Variants in SEMA6D observed in about 807,000 individuals in gnomAD.
SEMA6D encodes the protein semaphorin 6D, also known as semaphorin-6D.
Under a neutral mutation model 106.6 loss-of-function variants are expected in SEMA6D, and 35 were observed. The observed-to-expected ratio is 0.33, with a 90% confidence interval of 0.25 to 0.44. The LOEUF (loss-of-function observed/expected upper bound fraction) is 0.44, where lower values mean the gene tolerates loss of function less well. Ranked by LOEUF, SEMA6D falls within the 20% of genes least tolerant of loss-of-function variation. SEMA6D has a pLI of 1.00. For missense variants in SEMA6D, 1,185 were observed against 1,345.9 expected, an observed-to-expected ratio of 0.88 and a Z score of 1.87; for synonymous variants, 499 against 487.7, an observed-to-expected ratio of 1.02 and a Z score of -0.31.
chr15:47,670,907 C>T (rs2145389026), intron 4 of SEMA6D, among the ~76,000 whole-genome samples: 1 of 152,168 alleles, frequency 6.6e-6, no homozygotes. Context: ...TAATTACTTT[C>T]TATAAGTATA....
intron 3 of SEMA6D, among the ~76,000 whole-genome samples, chr15:47,530,139 C>T (rs1055731040): frequency 2.6e-5 from 4 of 152,180 alleles, no homozygotes; most frequent in Non-Finnish European, 5.9e-5. Context: ...TTTGATGATC[C>T]TCTCAGGCCC....
chr15:47,546,488 T>C (rs933479547), intron 3 of SEMA6D, among the ~76,000 whole-genome samples: 11 of 152,138 alleles, frequency 7.2e-5, no homozygotes, highest in African/African-American at 2.7e-4. Context: ...TATGTATCTG[T>C]AAGTGCACTG....
intron 4 of SEMA6D, among the ~76,000 whole-genome samples, chr15:47,648,590 G>A (rs553424945): frequency 2.0e-5 from 3 of 152,250 alleles, no homozygotes; most frequent in South Asian, 2.1e-4. Context: ...AGGTATGATC[G>A]TAGGAGGTGC....
intron 4 of SEMA6D, among the ~76,000 whole-genome samples, chr15:47,606,031 T>C (rs940627583): frequency 1.3e-5 from 2 of 152,178 alleles, no homozygotes; most frequent in Admixed American, 6.5e-5. Context: ...ATGACCTGCC[T>C]CCATCCTGAA....
chr15:47,212,267 A>G (rs972898942), intron 1 of SEMA6D, among the ~76,000 whole-genome samples: 1 of 152,222 alleles, frequency 6.6e-6, no homozygotes, highest in African/African-American at 2.4e-5. Flanking sequence ...ATGGCAGTGC[A>G]TCTCTTCACT....
chr15:47,203,632 C>T (rs1336907943), intron 1 of SEMA6D, among the ~76,000 whole-genome samples: 1 of 152,122 alleles, frequency 6.6e-6, no homozygotes, highest in African/African-American at 2.4e-5. Context: ...TATAGGACTC[C>T]CATGCTCATG....
intron 3 of SEMA6D, among the ~76,000 whole-genome samples, chr15:47,562,458 T>C (rs1476851417): frequency 4.6e-5 from 7 of 152,054 alleles, no homozygotes; most frequent in Non-Finnish European, 7.4e-5. Context: ...TTAAAATTAA[T>C]AACTTTTGCA....
rs542800330 is a variant in SEMA6D, at chr15:47,271,842, A to G, written c.-239+87424A>G. On this transcript the variant is annotated intron_variant, in intron 1 of 19. Transcript: ENST00000558014. ...CAGTGGAGGAAAATATTTTCATTAC[A>G]CAGCACTGCTCTTGCTTTCAAGCTG... Among the ~76,000 whole-genome samples, 4 of 152,344 alleles carry G rather than the reference A, an allele frequency of 2.6e-5. No individual in the cohort carries two copies. In the East Asian group the frequency reaches 7.7e-4, roughly 29 times the overall value.
intron 1 of SEMA6D, among the ~76,000 whole-genome samples, chr15:47,226,982 T>A (rs1351827615): frequency 6.6e-6 from 1 of 152,074 alleles, no homozygotes; most frequent in East Asian, 1.9e-4. Context: ...TGGTTCAATA[T>A]GTGTCCTATT....
intron 2 of SEMA6D, among the ~76,000 whole-genome samples, chr15:47,464,512 C>T (rs1280348217): frequency 6.6e-6 from 1 of 152,088 alleles, no homozygotes; most frequent in Non-Finnish European, 1.5e-5. Context: ...GCTCCCAGAT[C>T]AGCCAACAGT....
chr15:47,526,351 C>T (rs899195538), intron 3 of SEMA6D, among the ~76,000 whole-genome samples: 21 of 152,080 alleles, frequency 1.4e-4, no homozygotes, highest in African/African-American at 5.1e-4. Flanking sequence ...AAGGGGGGTC[C>T]TTTTTGGGGG....
chr15:47,548,734 C>G (rs1393821106), intron 3 of SEMA6D, among the ~76,000 whole-genome samples: 1 of 152,082 alleles, frequency 6.6e-6, no homozygotes, highest in Admixed American at 6.6e-5. Flanking sequence ...CATATATACA[C>G]ACATACACAT....
intron 3 of SEMA6D, among the ~76,000 whole-genome samples, chr15:47,500,240 G>A (rs1389817160): frequency 1.3e-5 from 2 of 151,944 alleles, no homozygotes; most frequent in African/African-American, 2.4e-5. Context: ...CACTCTGATG[G>A]TGCACTTTCA....
intron 3 of SEMA6D, among the ~76,000 whole-genome samples, chr15:47,513,397 C>T (rs1408688283): frequency 6.6e-6 from 1 of 152,162 alleles, no homozygotes; most frequent in Non-Finnish European, 1.5e-5. Flanking sequence ...CTCTATTCCA[C>T]TACATTTTCC....
At chr15:47,581,721 A>G (rs1452968508) in intron 3 of SEMA6D, among the ~76,000 whole-genome samples, 1 of 152,228 alleles carries the variant, frequency 6.6e-6, no homozygotes, top group Non-Finnish European at 1.5e-5. Flanking sequence ...TAGACATAGA[A>G]GAACATTGTA....
At chr15:47,273,880 A>G (rs1203257747) in intron 1 of SEMA6D, among the ~76,000 whole-genome samples, 1 of 152,198 alleles carries the variant, frequency 6.6e-6, no homozygotes, top group African/African-American at 2.4e-5. Context: ...AAAATAAGTG[A>G]TAGGCATAGT....
In SEMA6D at chr15:47,760,999, C is replaced by G. The variant is rs1479831135; in HGVS notation, c.243C>G (p.Asn81Lys). 1 of 1,613,426 alleles carries G rather than the reference C, an allele frequency of 6.2e-7. No homozygotes were observed. The highest frequency in any genetic ancestry group is 8.5e-7 in the Non-Finnish European group (1 of 1,179,596). Reference protein sequence around the residue: ...IAGRDQVYTVNLNEMPKTEVI... With the variant: ...IAGRDQVYTVKLNEMPKTEVI... ...ACAGGGATCAAGTTTATACAGTAAA[C>G]TTAAATGAAATGCCCAAAACAGAAG... The change falls in exon 4 of 19, where the codon AAC becomes AAG. Residue 81 changes from asparagine (N) to lysine (K), a missense_variant. Coordinates refer to ENST00000536845, the MANE Select transcript of SEMA6D (RefSeq NM_001358351.3).
At chr15:47,514,983 A>G (rs2044342712) in intron 3 of SEMA6D, among the ~76,000 whole-genome samples, 2 of 152,212 alleles carry the variant, frequency 1.3e-5, no homozygotes, top group African/African-American at 4.8e-5. Flanking sequence ...TGTAAGCCCC[A>G]CATGATCTGT....
At chr15:47,494,791 A>ATAC (rs2043597859) in intron 3 of SEMA6D, among the ~76,000 whole-genome samples, 1 of 56,948 alleles carries the variant, frequency 1.8e-5, no homozygotes, top group Non-Finnish European at 3.8e-5. Flanking sequence ...TATATATATA[A>ATAC]TCTCCAGATA....
Sources: allele counts gnomAD v4.1 joint callset (sites outside exome capture counted in the v4.1 genomes callset), GRCh38; gene constraint gnomAD v4.1.1; transcripts MANE v1.5; gene names NCBI Gene and HGNC (gene_info 2026-07-23, HGNC 2026-07-21).